The following USP34 variants were observed in gnomAD, a reference collection of about 807,000 sequenced individuals.
USP34 encodes ubiquitin carboxyl-terminal hydrolase 34.
In USP34, 70 loss-of-function variants were observed where a neutral mutation model predicts 460.3. That is an observed-to-expected ratio of 0.15 (90% confidence interval 0.13 to 0.19). The LOEUF is 0.19. USP34 is among the 10% of genes least tolerant of loss of function. The pLI, the probability that USP34 is intolerant of heterozygous loss-of-function variation, is 1.00. For missense variants in USP34, 3,985 were observed against 4,236.2 expected, an observed-to-expected ratio of 0.94 and a Z score of 1.65; for synonymous variants, 1,647 against 1,405.3, an observed-to-expected ratio of 1.17 and a Z score of -3.85.
intron 1 of USP34, among the ~76,000 whole-genome samples, chr2:61,467,413 G>T (rs890791753): frequency 1.3e-5 from 2 of 150,932 alleles, no homozygotes; most frequent in South Asian, 4.2e-4. Flanking sequence ...GCCTCCTGCC[G>T]AGGCGGGATT....
intron 22 of USP34, among the ~76,000 whole-genome samples, chr2:61,318,732 A>G (rs1690826928): frequency 6.6e-6 from 1 of 152,198 alleles, no homozygotes; most frequent in Admixed American, 6.5e-5. Flanking sequence ...CACAATCTAC[A>G]CATCTGGAGA....
At chr2:61,470,539 CGCCCG>C (rs1227023256) in intron 1 of USP34, 106 bp downstream of exon 1, 3 of 612,690 alleles carry the variant, frequency 4.9e-6, no homozygotes, top group Non-Finnish European at 8.1e-6. Context: ...GCCCGCACGC[CGCCCG>C]GCCCGGCCGT....
At chr2:61,426,279 C>A (rs1214231991) in intron 1 of USP34, among the ~76,000 whole-genome samples, 1 of 152,096 alleles carries the variant, frequency 6.6e-6, no homozygotes, top group Non-Finnish European at 1.5e-5. Context: ...CAGGGTAGAG[C>A]ACCAGTTGAT....
chr2:61,356,475 G>GCACA (rs70963416), intron 10 of USP34, among the ~76,000 whole-genome samples: 12,225 of 128,348 alleles, frequency 0.095, 577 homozygotes, highest in Middle Eastern at 0.18. Context: ...GGGTGAAAGC[G>GCACA]CACACACACA....
intron 66 of USP34, 110 bp downstream of exon 66, chr2:61,221,392 A>ACCCC: frequency 1.0e-6 from 1 of 994,998 alleles, no homozygotes; most frequent in East Asian, 2.7e-5. Flanking sequence ...GTGACTTACT[A>ACCCC]AAACCATCTT....
chr2:61,190,756 T>C, intron 76 of USP34, 98 bp from the exon 77 acceptor site: 1 of 1,429,420 alleles, frequency 7.0e-7, no homozygotes, highest in Non-Finnish European at 9.3e-7. Context: ...TTGTGTATGA[T>C]GGAATCTGAA....
Position 61,278,448 on chromosome 2 carries a change from A to G in USP34, c.5257-5T>C. The G allele has an allele frequency of 6.5e-7, 1 of 1,526,934 alleles. No homozygotes were observed. The allele number at this position is 1,526,934 out of a possible 1,614,324, so 94.6% of individuals were successfully genotyped here. A position where few individuals can be genotyped will look rare whatever the true frequency, so the allele number is the denominator to read the frequency against. On this transcript the variant is annotated splice_region_variant and splice_polypyrimidine_tract_variant and intron_variant, in intron 39 of 79. Coordinates refer to ENST00000398571, the MANE Select transcript of USP34 (RefSeq NM_014709.4). ...ATCTAAGTCGAGGAGCGTTGTCTTA[A>G]TACAAAAAGAAAATAAAAATTCAAA...
At chr2:61,255,289 T>G (rs1429942160) in intron 48 of USP34, among the ~76,000 whole-genome samples, 1 of 152,192 alleles carries the variant, frequency 6.6e-6, no homozygotes, top group African/African-American at 2.4e-5. Flanking sequence ...TATTATAGTA[T>G]AAACACTTAT....
In USP34 at chr2:61,329,588, T is replaced by C. The variant is rs113738765; in HGVS notation, c.2930+1688A>G. Among the ~76,000 whole-genome samples the C allele has an allele frequency of 1.5e-3, 233 of 152,200 alleles. 1 individual carries two copies. Among genetic ancestry groups the C allele is most frequent in the African/African-American group, 5.4e-3 (223 of 41,564 alleles). ...AAAAAAAATTATAAAACTGGAAAGGTTGAGTTGAGTTCATAGACAGTCCAG... is the reference window on the plus strand; with the variant it reads ...AAAAAAAATTATAAAACTGGAAAGGCTGAGTTGAGTTCATAGACAGTCCAG... On this transcript the variant is annotated intron_variant, in intron 20 of 79. Transcript: ENST00000398571.
intron 53 of USP34, among the ~76,000 whole-genome samples, chr2:61,237,553 GATTT>G (rs1688103906): frequency 9.4e-6 from 1 of 106,476 alleles, no homozygotes; most frequent in Non-Finnish European, 2.0e-5. Context: ...ATTTTCTGTG[GATTT>G]TTTTTTTTTT....
At chr2:61,262,106 AAAAAAAAAAAAT>A (rs1316381291) in intron 43 of USP34, among the ~76,000 whole-genome samples, 26 of 92,654 alleles carry the variant, frequency 2.8e-4, no homozygotes, top group East Asian at 9.3e-4. Flanking sequence ...AAAAAAAAAA[AAAAAAAAAAAAT>A]ATATATATAT....
chr2:61,205,828 C>CA (rs1687103688), intron 72 of USP34, among the ~76,000 whole-genome samples, 189 bp downstream of exon 72: 1 of 152,164 alleles, frequency 6.6e-6, no homozygotes, highest in Non-Finnish European at 1.5e-5. Flanking sequence ...TGCCCATTAT[C>CA]ATGTGGGTAA....
At chr2:61,450,831 C>T (rs1028661259) in intron 1 of USP34, among the ~76,000 whole-genome samples, 1 of 147,264 alleles carries the variant, frequency 6.8e-6, no homozygotes, top group African/African-American at 2.5e-5. Flanking sequence ...ACTCTTACCC[C>T]ACTTATAAAC....
At chr2:61,279,348 G>A (rs1329668675) in intron 39 of USP34, among the ~76,000 whole-genome samples, 1 of 152,080 alleles carries the variant, frequency 6.6e-6, no homozygotes, top group East Asian at 1.9e-4. Flanking sequence ...ATATTTCAAA[G>A]GATCTTCTTT....
intron 72 of USP34, among the ~76,000 whole-genome samples, chr2:61,205,468 T>A (rs143611137): frequency 1.2e-4 from 19 of 152,302 alleles, no homozygotes; most frequent in Middle Eastern, 3.4e-3. Flanking sequence ...TCCATGCTAT[T>A]TTGAGAAAGT....
chr2:61,237,738 T>C (rs546305322), intron 53 of USP34, among the ~76,000 whole-genome samples: 1 of 150,462 alleles, frequency 6.6e-6, no homozygotes, highest in South Asian at 2.1e-4. Context: ...CCAGCTATTA[T>C]TTTTGTATTT....
At chr2:61,204,636 TTAAGAGTTATATCTGCC>T in intron 72 of USP34, 35 bp from the exon 73 acceptor site, 1 of 1,539,282 alleles carries the variant, frequency 6.5e-7, no homozygotes, top group Non-Finnish European at 9.0e-7. Flanking sequence ...TAGCAAAAAA[TTAAGAGTTATATCTGCC>T]TACTACTTTC....
intron 3 of USP34, among the ~76,000 whole-genome samples, chr2:61,401,707 C>T (rs1180291879): frequency 6.7e-6 from 1 of 148,522 alleles, no homozygotes; most frequent in African/African-American, 2.5e-5. Context: ...CGCTACCACG[C>T]CCTGCTAATT....
chr2:61,333,861 T>C, intron 19 of USP34, 21 bp downstream of exon 19: 4 of 1,450,538 alleles, frequency 2.8e-6, no homozygotes, highest in Non-Finnish European at 3.7e-6. Flanking sequence ...AAATAAATAC[T>C]TTTTTCTTTT....
Sources: gnomAD v4.1 joint callset for allele counts (sites outside exome capture counted in the v4.1 genomes callset) on GRCh38, gnomAD v4.1.1 for gene constraint, MANE v1.5 for transcripts, NCBI Gene and HGNC (gene_info 2026-07-23, HGNC 2026-07-21) for gene names.